The following AKAP6 variants were observed in gnomAD, a reference collection of about 807,000 sequenced individuals.
The protein encoded by AKAP6 is A-kinase anchoring protein 6.
In AKAP6, 58 loss-of-function variants were observed where a neutral mutation model predicts 188.5. The ratio of observed to expected loss-of-function variants is 0.31; its 90% confidence interval spans 0.25 to 0.38. The LOEUF (loss-of-function observed/expected upper bound fraction) is 0.38, where lower values mean the gene tolerates loss of function less well. Ranked by LOEUF, AKAP6 falls within the 10% of genes least tolerant of loss-of-function variation. The pLI is 1.00. For synonymous variants in AKAP6, 989 were observed against 998.6 expected (o/e 0.99, Z 0.18); for missense variants, 2,710 against 2,740.0 (o/e 0.99, Z 0.24).
intron 5 of AKAP6, among the ~76,000 whole-genome samples, chr14:32,583,870 G>A (rs1213266153): frequency 6.6e-6 from 1 of 152,168 alleles, no homozygotes; most frequent in East Asian, 1.9e-4. Context: ...TTTTCCAGGT[G>A]CCATCTGTCA....
chr14:32,496,103 T>G (rs1285415075), intron 2 of AKAP6, among the ~76,000 whole-genome samples: 1 of 152,234 alleles, frequency 6.6e-6, no homozygotes, highest in Non-Finnish European at 1.5e-5. Flanking sequence ...ATTAGGTTAT[T>G]TAATCCAGCA....
At chr14:32,813,393 C>CT (rs1023271104) in intron 12 of AKAP6, among the ~76,000 whole-genome samples, 1 of 114,648 alleles carries the variant, frequency 8.7e-6, no homozygotes, top group Non-Finnish European at 1.8e-5. Flanking sequence ...AACCCTACCC[C>CT]CCCCCCCAAC....
intron 7 of AKAP6, among the ~76,000 whole-genome samples, chr14:32,628,623 T>G (rs962161335): frequency 6.6e-6 from 1 of 152,122 alleles, no homozygotes; most frequent in African/African-American, 2.4e-5. Flanking sequence ...AAGGCCTGTT[T>G]ATATGGCTAG....
chr14:32,783,027 T>A (rs981594376), intron 12 of AKAP6, among the ~76,000 whole-genome samples: 6 of 152,064 alleles, frequency 3.9e-5, no homozygotes, highest in Admixed American at 1.3e-4. Context: ...GCTACAGTAG[T>A]CAAGAAAGTA....
chr14:32,634,645 A>AT (rs1037385168), intron 7 of AKAP6, among the ~76,000 whole-genome samples: 3 of 152,048 alleles, frequency 2.0e-5, no homozygotes, highest in East Asian at 3.9e-4. Context: ...AGAGCCAGTT[A>AT]TTTTTTTGGA....
intron 7 of AKAP6, among the ~76,000 whole-genome samples, chr14:32,671,981 G>T (rs576476065): frequency 6.6e-6 from 1 of 152,062 alleles, no homozygotes; most frequent in Non-Finnish European, 1.5e-5. Context: ...TTAATCCTTC[G>T]AGTTGATTAG....
chr14:32,616,158 T>G (rs1454244608), intron 7 of AKAP6, among the ~76,000 whole-genome samples: 1 of 151,968 alleles, frequency 6.6e-6, no homozygotes, highest in Non-Finnish European at 1.5e-5. Flanking sequence ...TTGGTGGGAG[T>G]GTAAATTAGC....
intron 2 of AKAP6, among the ~76,000 whole-genome samples, chr14:32,477,885 A>AATAG (rs1486134537): frequency 2.6e-5 from 4 of 152,176 alleles, no homozygotes; most frequent in Non-Finnish European, 4.4e-5. Context: ...TGGTCATGAT[A>AATAG]ATAGCATCTA....
rs765231969 is a variant in AKAP6 at position 32,824,313 on chromosome 14, A to G, written c.6500A>G (p.Glu2167Gly). 6.2e-7 allele frequency: 1 copy of G among 1,613,806 alleles called. No homozygotes were observed. ...EACVEGDSDG[E>G]EPCFSSAPPN... ...TGTGTTGAGGGTGACTCTGATGGAG[A>G]GGAGCCTTGTTTCTCTAGTGCTCCT... Residue 2167 changes from glutamate (E) to glycine (G), a missense_variant, in exon 13 of 14, where the codon GAG becomes GGG. Physicochemically the swap from Glu to Gly is moderately conservative, Grantham distance 98. This residue lies in a region of AKAP6 where 2,473 missense variants were observed against 2,426.1 expected (regional missense o/e 1.02). Coordinates refer to ENST00000280979, the MANE Select transcript of AKAP6 (RefSeq NM_004274.5).
intron 4 of AKAP6, among the ~76,000 whole-genome samples, chr14:32,550,951 C>A (rs534092878): frequency 2.0e-5 from 3 of 152,164 alleles, no homozygotes; most frequent in Non-Finnish European, 4.4e-5. Context: ...AATAGAGTAG[C>A]CAGAGTGATC....
At chr14:32,470,278 A>G (rs1040034007) in intron 2 of AKAP6, among the ~76,000 whole-genome samples, 1 of 152,164 alleles carries the variant, frequency 6.6e-6, no homozygotes, top group African/African-American at 2.4e-5. Flanking sequence ...TCCCCAGGTG[A>G]TTCAGATGCA....
intron 8 of AKAP6, among the ~76,000 whole-genome samples, chr14:32,694,158 G>A (rs10134433): frequency 0.13 from 20,272 of 151,536 alleles, 2,639 homozygotes; most frequent in East Asian, 0.43. Context: ...TCAGGAGATC[G>A]ACACCATCCT....
intron 11 of AKAP6, among the ~76,000 whole-genome samples, chr14:32,743,114 T>C (rs28815022): frequency 0.4 from 60,789 of 151,934 alleles, 12,391 homozygotes; most frequent in South Asian, 0.58. Flanking sequence ...TTTATCATTA[T>C]ATAGTGACCC....
chr14:32,822,616 T>A lies in AKAP6; in HGVS notation c.4803T>A (p.Thr1601=), dbSNP rs773612554. The change falls in exon 13 of 14, where the codon ACT becomes ACA. Residue 1601 remains threonine, a synonymous_variant. Coordinates refer to ENST00000280979, the MANE Select transcript of AKAP6 (RefSeq NM_004274.5). ...QRSTSLESWL[T]SYKSNEDLFS... is the part of the protein sequence containing the mutation. ...GCACTTCTTTAGAAAGTTGGTTGAC[T>A]TCCTATAAAAGCAATGAAGATCTCT... 4 of 1,613,906 alleles carry A rather than the reference T, an allele frequency of 2.5e-6. No homozygotes were observed. In the East Asian group the frequency reaches 8.9e-5, roughly 36 times the overall value.
intron 12 of AKAP6, among the ~76,000 whole-genome samples, chr14:32,777,271 T>C (rs1383068734): frequency 6.6e-6 from 1 of 152,176 alleles, no homozygotes. Context: ...TTAAAATTTA[T>C]AAAATTTATA....
chr14:32,574,297 C>T (rs1884626423), intron 4 of AKAP6, among the ~76,000 whole-genome samples: 2 of 152,140 alleles, frequency 1.3e-5, no homozygotes, highest in African/African-American at 4.8e-5. Context: ...CAGAGAGAAT[C>T]CTTGAGAGGA....
rs1466521354 is a variant in AKAP6 at position 32,545,358 on chromosome 14, T to C, written c.705T>C (p.Asp235=). ...FELSDYSPSE[D]LLSGLGDMTS... is the part of the protein sequence containing the mutation. ...TGTCTGACTACAGTCCAAGTGAGGA[T>C]TTGCTCAGTGGGCTAGGTGACATGA... The change falls in exon 4 of 14, where the codon GAT becomes GAC. Residue 235 remains aspartate (D), a synonymous_variant. Transcript: ENST00000280979. The C allele has an allele frequency of 6.2e-7, 1 of 1,614,172 alleles. No individual in the cohort carries two copies. Among genetic ancestry groups the C allele is most frequent in the East Asian group, 2.2e-5 (1 of 44,894 alleles).
Position 32,600,712 on chromosome 14 carries a change from A to G in AKAP6, c.2650A>G (p.Arg884Gly), listed in dbSNP as rs757726864. The G allele has an allele frequency of 6.2e-7, 1 of 1,613,690 alleles. No individual in the cohort carries two copies. ...CAAACGGCAGCACAGCTGGATTCTC[A>G]GGGCTCTGGATACCATCAAAGCCGA... ...QIKRQHSWIL[R>G]ALDTIKAEIL... Residue 884 changes from arginine to glycine, a missense_variant, in exon 7 of 14, where the codon AGG becomes GGG. Physicochemically the swap from Arg to Gly is moderately radical, Grantham distance 125. This residue lies in a region of AKAP6 where 2,473 missense variants were observed against 2,426.1 expected (regional missense o/e 1.02). Transcript: ENST00000280979.
At chr14:32,341,216 A>G (rs1886877792) in intron 1 of AKAP6, among the ~76,000 whole-genome samples, 1 of 152,032 alleles carries the variant, frequency 6.6e-6, no homozygotes. Context: ...GCCACAACAT[A>G]TTTTTGCTGT....
Sources: allele counts gnomAD v4.1 joint callset (sites outside exome capture counted in the v4.1 genomes callset), GRCh38; gene constraint gnomAD v4.1.1; regional missense constraint gnomAD v4.1.1; transcripts MANE v1.5; gene names NCBI Gene and HGNC (gene_info 2026-07-23, HGNC 2026-07-21).